CLCN5: variants seen among roughly 807,000 people sequenced by gnomAD.
The protein encoded by CLCN5 is H(+)/Cl(-) exchange transporter 5.
CLCN5 carries 17 observed loss-of-function variants against 54.0 expected under a neutral mutation model. The observed-to-expected ratio is 0.31, with a 90% confidence interval of 0.22 to 0.47. The LOEUF (loss-of-function observed/expected upper bound fraction) is 0.47, where lower values mean the gene tolerates loss of function less well. Ranked by LOEUF, CLCN5 falls within the 20% of genes least tolerant of loss-of-function variation. The probability of loss-of-function intolerance (pLI) is 1.00; values close to 1 mark genes in which losing one functional copy is unlikely to be tolerated. For synonymous variants in CLCN5, 222 were observed against 233.0 expected, an observed-to-expected ratio of 0.95 and a Z score of 0.43; for missense variants, 448 against 646.7, an observed-to-expected ratio of 0.69 and a Z score of 3.33.
At chrX:50,090,926 A>T in intron 14 of CLCN5, 40 bp downstream of exon 14, 1 of 1,069,308 alleles carries the variant, frequency 9.4e-7, no homozygotes, top group Non-Finnish European at 1.3e-6. Flanking sequence ...ATTGTGGGAG[A>T]AAGAGAATGC....
chrX:49,939,726 C>T (rs1298794524), intron 3 of CLCN5, among the ~76,000 whole-genome samples: 2 of 110,919 alleles, frequency 1.8e-5, no homozygotes, highest in African/African-American at 6.6e-5. Flanking sequence ...CAACATGGCA[C>T]ATGTATACAT....
In CLCN5 at chrX:49,933,233, AATAAT is replaced by A. The variant is rs782153289; in HGVS notation, c.16+7921_16+7925del. 2.4e-4 allele frequency among the ~76,000 whole-genome samples: 27 copies of A among 111,972 alleles called. No individual in the cohort carries two copies. In the South Asian group the frequency reaches 8.6e-3, roughly 36 times the overall value. On this transcript the variant is annotated intron_variant, in intron 3 of 14. Coordinates refer to ENST00000376091, the MANE Select transcript of CLCN5 (RefSeq NM_001127898.4). Reference sequence around the variant, plus strand: ...AAGAAGCGAATTCTTTGTCAATTAAAATAATAAAGAAATAAATTTAAAAAATTTAA... The same window carrying A: ...AAGAAGCGAATTCTTTGTCAATTAAAAAAGAAATAAATTTAAAAAATTTAA...
chrX:49,971,894 T>C (rs1557176260), intron 3 of CLCN5, among the ~76,000 whole-genome samples: 1 of 111,976 alleles, frequency 8.9e-6, no homozygotes, highest in Non-Finnish European at 1.9e-5. Context: ...AATTGTTGCT[T>C]TACGAGGGAG....
intron 4 of CLCN5, among the ~76,000 whole-genome samples, chrX:50,064,235 T>C (rs1895988718): frequency 1.8e-5 from 2 of 111,171 alleles, no homozygotes; most frequent in Non-Finnish European, 3.8e-5. Context: ...TGTTTGCAGA[T>C]GACATGATTG....
intron 3 of CLCN5, among the ~76,000 whole-genome samples, chrX:50,040,913 C>G (rs1212115558): frequency 8.9e-6 from 1 of 111,930 alleles, no homozygotes; most frequent in Non-Finnish European, 1.9e-5. Flanking sequence ...TGATTTGGAC[C>G]TTAACTTTAA....
intron 3 of CLCN5, among the ~76,000 whole-genome samples, chrX:50,027,656 G>A (rs6651601): frequency 0.15 from 16,247 of 108,496 alleles, 3,127 homozygotes; most frequent in African/African-American, 0.53. Flanking sequence ...CATATTAAAC[G>A]TATTTTAAAT....
intron 3 of CLCN5, among the ~76,000 whole-genome samples, chrX:50,036,258 A>G (rs1354783597): frequency 8.9e-6 from 1 of 112,702 alleles, no homozygotes; most frequent in Non-Finnish European, 1.9e-5. Flanking sequence ...ACCATGGGTA[A>G]GTACCACTTT....
At chrX:50,018,184 T>C (rs1279447669) in intron 3 of CLCN5, among the ~76,000 whole-genome samples, 3 of 112,215 alleles carry the variant, frequency 2.7e-5, no homozygotes, top group Non-Finnish European at 5.6e-5. Flanking sequence ...GTCTTGTACA[T>C]ATTTTGGTTA....
At chrX:50,012,035 C>T (rs1001815722) in intron 3 of CLCN5, among the ~76,000 whole-genome samples, 1 of 111,384 alleles carries the variant, frequency 9.0e-6, no homozygotes, top group African/African-American at 3.3e-5. Context: ...TCCTGTCATG[C>T]ACCAGACATG....
intron 4 of CLCN5, among the ~76,000 whole-genome samples, chrX:50,052,731 T>TG (rs1415038479): frequency 9.0e-6 from 1 of 111,437 alleles, no homozygotes; most frequent in African/African-American, 3.3e-5. Context: ...GGGAATACAT[T>TG]TAAGTTCTGC....
rs782568860 is a variant in CLCN5, at chrX:50,033,609, G to A, written c.17-8707G>A. On this transcript the variant is annotated intron_variant, in intron 3 of 14. Coordinates refer to ENST00000376091, the MANE Select transcript of CLCN5 (RefSeq NM_001127898.4). ...CCATACTGCCCAAGGTAATTTATAG[G>A]TTCAATGCCATCCCCATCAAGCTAC... 7.1e-3 allele frequency among the ~76,000 whole-genome samples: 781 copies of A among 110,717 alleles called. 11 individuals carry two copies. Among genetic ancestry groups the A allele is most frequent in the African/African-American group, 0.025 (753 of 30,463 alleles).
chrX:49,958,834 C>A (rs1185456367), intron 3 of CLCN5, among the ~76,000 whole-genome samples: 3 of 111,887 alleles, frequency 2.7e-5, no homozygotes, highest in East Asian at 5.6e-4. Flanking sequence ...TTATTCTTAT[C>A]ATTTAAGATG....
chrX:50,091,956 C>T, intron 14 of CLCN5, among the ~76,000 whole-genome samples, 173 bp from the exon 15 acceptor site: 1 of 112,172 alleles, frequency 8.9e-6, no homozygotes, highest in South Asian at 3.7e-4. Context: ...GGAATCCACA[C>T]ATCATCCTAT....
intron 4 of CLCN5, among the ~76,000 whole-genome samples, chrX:50,059,986 TATAAG>T (rs1932824849): frequency 9.6e-6 from 1 of 104,329 alleles, no homozygotes; most frequent in African/African-American, 3.5e-5. Context: ...TACTAGATAA[TATAAG>T]TGAATTCTTT....
chrX:50,029,840 A>T (rs375666005), intron 3 of CLCN5, among the ~76,000 whole-genome samples: 41 of 112,111 alleles, frequency 3.7e-4, no homozygotes, highest in African/African-American at 1.2e-3. Flanking sequence ...TTCCTCAGGG[A>T]TCTAGAAATA....
intron 3 of CLCN5, among the ~76,000 whole-genome samples, chrX:50,035,458 G>A (rs782401531): frequency 9.0e-6 from 1 of 111,628 alleles, no homozygotes; most frequent in East Asian, 2.8e-4. Context: ...AACAATGGAA[G>A]TGAGAAGGAC....
At chrX:50,083,235 C>T (rs1419905413) in intron 9 of CLCN5, among the ~76,000 whole-genome samples, 1 of 108,098 alleles carries the variant, frequency 9.3e-6, no homozygotes, top group African/African-American at 3.4e-5. Context: ...GAAGGAAACT[C>T]AAAGATATTG....
At chrX:50,078,564 G>A (rs782466983) in intron 7 of CLCN5, among the ~76,000 whole-genome samples, 6 of 112,365 alleles carry the variant, frequency 5.3e-5, no homozygotes, top group African/African-American at 1.6e-4. Context: ...GTGTATGTGC[G>A]CGCACGCATG....
chrX:49,925,407 C>T (rs1925291097), intron 3 of CLCN5, 93 bp downstream of exon 3: 1 of 873,050 alleles, frequency 1.1e-6, no homozygotes, highest in Non-Finnish European at 1.7e-6. Context: ...CAATGGCAGG[C>T]AGCCAGCTGT....
Sources: gnomAD v4.1 joint callset for allele counts (sites outside exome capture counted in the v4.1 genomes callset) on GRCh38, gnomAD v4.1.1 for gene constraint, MANE v1.5 for transcripts, NCBI Gene and HGNC (gene_info 2026-07-23, HGNC 2026-07-21) for gene names.